Variants in GAS1 observed in about 807,000 individuals in gnomAD.
The protein encoded by GAS1 is growth arrest-specific protein 1.
GAS1 carries 10 observed loss-of-function variants against 21.6 expected under a neutral mutation model. The ratio of observed to expected loss-of-function variants is 0.46; its 90% CI spans 0.29 to 0.79. GAS1 has a LOEUF of 0.79. GAS1 is among the 30% of genes least tolerant of loss of function. The pLI is 0.10. For missense variants in GAS1, 567 were observed against 544.3 expected (o/e 1.04, Z -0.42); for synonymous variants, 332 against 264.0 (o/e 1.26, Z -2.50).
In GAS1 at chr9:86,946,871, TC is replaced by T; in HGVS notation, c.-93del. ...GAGCCGGTGGAAAAGTTTGTCCAAG[TC>T]CTGCCCACTTCTTGCATGAGTGTCT... is the stretch of plus-strand genomic sequence containing the variant. On this transcript the variant is annotated 5_prime_UTR_variant, in exon 1 of 1. Transcript: ENST00000298743. The surrounding 1 kb of genome is among the most constrained non-coding windows in gnomAD (Gnocchi z 5.2). The T allele has an allele frequency of 2.6e-6, 1 of 388,670 alleles. No individual in the cohort carries two copies. Among genetic ancestry groups the T allele is most frequent in the Non-Finnish European group, 4.7e-6 (1 of 214,022 alleles). 24.1% of individuals were successfully genotyped at this position (388,670 alleles called of 1,614,324 possible).
In GAS1 at chr9:86,946,294, C is replaced by CCCGCCCGCGCCGGGG. The variant is rs907485406; in HGVS notation, c.471_485dup (p.Pro158_Gly162dup). On this transcript the variant is annotated inframe_insertion, in exon 1 of 1. Transcript: ENST00000298743. This position sits in a 1 kb window ranked among gnomAD's most constrained non-coding sequence, Gnocchi z 5.2. ...GCCGGGCCTCGGTGCAGCCCATGACCCCGCCCGCGCCGGGGCCGCCCGCGC... is the reference window on the plus strand; with the variant it reads ...GCCGGGCCTCGGTGCAGCCCATGACCCCGCCCGCGCCGGGGCCGCCCGCGCCGGGGCCGCCCGCGC... 96 of 1,443,672 alleles carry CCCGCCCGCGCCGGGG rather than the reference C, an allele frequency of 6.6e-5. No homozygotes were observed. Among genetic ancestry groups the CCCGCCCGCGCCGGGG allele is most frequent in the East Asian group, 2.7e-4 (9 of 33,022 alleles). 89.4% of individuals were successfully genotyped at this position (1,443,672 alleles called of 1,614,324 possible).
Position 86,946,750 on chromosome 9 carries a change from G to C in GAS1, c.30C>G (p.Gly10=), listed in dbSNP as rs1825504159. The change falls in exon 1 of 1, where the codon GGC becomes GGG. Residue 10 remains glycine, a synonymous_variant. Transcript: ENST00000298743. This position sits in a 1 kb window ranked among gnomAD's most constrained non-coding sequence, Gnocchi z 5.2. MVAALLGGG[G]EARGGTVPGA... ...CCGGCACTGTCCCCCCGCGGGCCTC[G>C]CCGCCGCCGCCCAGCAGCGCGGCCA... is the stretch of plus-strand genomic sequence containing the variant. The C allele has an allele frequency of 3.4e-6, 4 of 1,180,960 alleles. No homozygotes were observed. Among genetic ancestry groups the C allele is most frequent in the South Asian group, 2.2e-5 (1 of 45,168 alleles). 73.2% of individuals were successfully genotyped at this position (1,180,960 alleles called of 1,614,324 possible).
chr9:86,946,842 C>A lies in GAS1; in HGVS notation c.-63G>T. On this transcript the variant is annotated 5_prime_UTR_variant, in exon 1 of 1. Coordinates refer to ENST00000298743, the MANE Select transcript of GAS1 (RefSeq NM_002048.3). This position sits in a 1 kb window ranked among gnomAD's most constrained non-coding sequence, Gnocchi z 5.2. ...GAGACGAGGCGCGGGGAGCGGCGGA[C>A]GCGGAGCCGGTGGAAAAGTTTGTCC... 4.3e-6 allele frequency: 2 copies of A among 468,528 alleles called. No individual in the cohort carries two copies. The highest frequency in any genetic ancestry group is 4.7e-5 in the South Asian group (1 of 21,212). The allele number at this position is 468,528 out of a possible 1,614,324, so 29.0% of individuals were successfully genotyped here.
rs2118602532 is a variant in GAS1, at chr9:86,944,382, A to C, written c.*1360T>G. The C allele has an allele frequency of 6.6e-6, 1 of 152,266 alleles. No homozygotes were observed. The highest frequency in any genetic ancestry group is 2.4e-5 in the African/African-American group (1 of 41,538). The allele number at this position is 152,266 out of a possible 1,614,324, so 9.4% of individuals were successfully genotyped here. A position where few individuals can be genotyped will look rare whatever the true frequency, so the allele number is the denominator to read the frequency against. ...CCATATTCATTGTTTAAAACTCTTT[A>C]CTGATGTACATGTTTTAATAAAACA... On this transcript the variant is annotated 3_prime_UTR_variant, in exon 1 of 1. Transcript: ENST00000298743.
In GAS1 at chr9:86,945,396, G is replaced by C. The variant is rs546456015; in HGVS notation, c.*346C>G. ...CCCACTGGTCAGCACCTTCCCTTTCGAGTCCAGGACTACTGTTCTGTCCCC... is the reference window on the plus strand; with the variant it reads ...CCCACTGGTCAGCACCTTCCCTTTCCAGTCCAGGACTACTGTTCTGTCCCC... On this transcript the variant is annotated 3_prime_UTR_variant, in exon 1 of 1. Transcript: ENST00000298743. 1 of 205,112 alleles carries C rather than the reference G, an allele frequency of 4.9e-6. No individual in the cohort carries two copies. Among genetic ancestry groups the C allele is most frequent in the East Asian group, 1.1e-4 (1 of 9,142 alleles). 12.7% of individuals were successfully genotyped at this position (205,112 alleles called of 1,614,324 possible).
chr9:86,945,748 G>C lies in GAS1; in HGVS notation c.1032C>G (p.Leu344=). The change falls in exon 1 of 1, where the codon CTC becomes CTG. Residue 344 remains leucine (L), a synonymous_variant. Coordinates refer to ENST00000298743, the MANE Select transcript of GAS1 (RefSeq NM_002048.3). ...ACGGCGGGGGGCGCGAGGGCTAAAA[G>C]AGCGGCCCAAGCAGCAGCAGCAAGA... ...ASILLLLLGP[L]F The C allele has an allele frequency of 2.0e-6, 3 of 1,528,542 alleles. No individual in the cohort carries two copies. The highest frequency in any genetic ancestry group is 2.6e-6 in the Non-Finnish European group (3 of 1,137,932). 94.7% of individuals were successfully genotyped at this position (1,528,542 alleles called of 1,614,324 possible).
chr9:86,946,274 G>A lies in GAS1; in HGVS notation c.506C>T (p.Ala169Val). 1 of 1,541,646 alleles carries A rather than the reference G, an allele frequency of 6.5e-7. No homozygotes were observed. Among genetic ancestry groups the A allele is most frequent in the Non-Finnish European group, 8.7e-7 (1 of 1,150,356 alleles). The change falls in exon 1 of 1, where the codon GCC (alanine) becomes GTC (valine). Residue 169 changes from alanine (A) to valine (V), a missense_variant. Ala to Val is a moderately conservative substitution (Grantham distance 64). Coordinates refer to ENST00000298743, the MANE Select transcript of GAS1 (RefSeq NM_002048.3). This position sits in a 1 kb window ranked among gnomAD's most constrained non-coding sequence, Gnocchi z 5.2. ...GAGGVMGCTE[A>V]RRRCDRDSRC... ...GCTGTCGCGGTCGCAGCGCCGCCGG[G>A]CCTCGGTGCAGCCCATGACCCCGCC...
In GAS1 at chr9:86,946,993, T is replaced by G; in HGVS notation, c.-214A>C. ...GTGGCTTCCTGGAAATGAACAGCTG[T>G]CGAGATCTGGTCCCGCTCTCCCACC... On this transcript the variant is annotated 5_prime_UTR_variant, in exon 1 of 1. Transcript: ENST00000298743. The surrounding 1 kb of genome is among the most constrained non-coding windows in gnomAD (Gnocchi z 5.2). 6 of 307,794 alleles carry G rather than the reference T, an allele frequency of 1.9e-5. No homozygotes were observed. The highest frequency in any genetic ancestry group is 1.9e-5 in the Non-Finnish European group (3 of 160,408). The allele number at this position is 307,794 out of a possible 1,614,324, so 19.1% of individuals were successfully genotyped here. A position where few individuals can be genotyped will look rare whatever the true frequency, so the allele number is the denominator to read the frequency against.
At position 86,946,141 on chromosome 9, in the gene GAS1, C is replaced by T. The variant is rs1487738496; in HGVS notation, c.639G>A (p.Met213Ile). The change falls in exon 1 of 1, where the codon ATG becomes ATA. Residue 213 changes from methionine to isoleucine, a missense_variant. By Grantham distance (10) the Met-to-Ile change is conservative. Transcript: ENST00000298743. This position sits in a 1 kb window ranked among gnomAD's most constrained non-coding sequence, Gnocchi z 5.2. ...CRTVIEDMLA[M>I]PKAALLNDCV... is the part of the protein sequence containing the mutation. ...AGTCGTTGAGCAGCGCCGCCTTGGG[C>T]ATAGCCAGCATGTCCTCAATGACGG... is the stretch of plus-strand genomic sequence containing the variant. 1.2e-6 allele frequency: 2 copies of T among 1,609,058 alleles called. No homozygotes were observed. The highest frequency in any genetic ancestry group is 1.7e-6 in the Non-Finnish European group (2 of 1,179,662).
chr9:86,946,316 G>A lies in GAS1; in HGVS notation c.464C>T (p.Ala155Val), dbSNP rs1588171716. The A allele has an allele frequency of 4.3e-6, 6 of 1,405,840 alleles. No individual in the cohort carries two copies. The African/African-American group carries it at 7.5e-5, about 18-fold the overall frequency. 87.1% of individuals were successfully genotyped at this position (1,405,840 alleles called of 1,614,324 possible). A position where few individuals can be genotyped will look rare whatever the true frequency, so the allele number is the denominator to read the frequency against. The change falls in exon 1 of 1, where the codon GCG (alanine) becomes GTG (valine). Residue 155 changes from alanine to valine, a missense_variant. Transcript: ENST00000298743. The surrounding 1 kb of genome is among the most constrained non-coding windows in gnomAD (Gnocchi z 5.2). Reference sequence around the variant, plus strand: ...GACCCCGCCCGCGCCGGGGCCGCCCGCGCCGCCGCCGCTCGTCCGGGGCAG... The same window carrying A: ...GACCCCGCCCGCGCCGGGGCCGCCCACGCCGCCGCCGCTCGTCCGGGGCAG... ...PCLPRTSGGG[A>V]GGPGAGGVMG... is the part of the protein sequence containing the mutation.
In GAS1 at chr9:86,947,505, C is replaced by G. The variant is rs1487002578; in HGVS notation, c.-726G>C. On this transcript the variant is annotated 5_prime_UTR_variant, in exon 1 of 1. Coordinates refer to ENST00000298743, the MANE Select transcript of GAS1 (RefSeq NM_002048.3). ...CGGGGAGCGGATCCGCTGAGCCCGG[C>G]TGCAGACTCGTTAGCAGCGAGGCTT... Among the ~76,000 whole-genome samples, 1 of 152,186 alleles carries G rather than the reference C, an allele frequency of 6.6e-6. No individual in the cohort carries two copies. Among genetic ancestry groups the G allele is most frequent in the Non-Finnish European group, 1.5e-5 (1 of 68,034 alleles).
Position 86,947,091 on chromosome 9 carries a change from G to A in GAS1, c.-312C>T, listed in dbSNP as rs1488477851. Reference sequence around the variant, plus strand: ...TCGCCCCGGGGGGGTGCGGGCCGCGGGGCCGTGGCGGGGCTGCAGGACCGC... The same window carrying A: ...TCGCCCCGGGGGGGTGCGGGCCGCGAGGCCGTGGCGGGGCTGCAGGACCGC... On this transcript the variant is annotated 5_prime_UTR_variant, in exon 1 of 1. Coordinates refer to ENST00000298743, the MANE Select transcript of GAS1 (RefSeq NM_002048.3). 2.8e-5 allele frequency: 6 copies of A among 214,114 alleles called. No individual in the cohort carries two copies. The highest frequency in any genetic ancestry group is 1.6e-3 in the Middle Eastern group (1 of 622). The allele number at this position is 214,114 out of a possible 1,614,324, so 13.3% of individuals were successfully genotyped here.
chr9:86,945,578 G>T lies in GAS1; in HGVS notation c.*164C>A. On this transcript the variant is annotated 3_prime_UTR_variant, in exon 1 of 1. Transcript: ENST00000298743. ...CTTCAGGGGAAGTGCCCAGAGTCGT[G>T]GCCGGGGAACCGGCTACACCAAGTT... 1 of 599,688 alleles carries T rather than the reference G, an allele frequency of 1.7e-6. No individual in the cohort carries two copies. The highest frequency in any genetic ancestry group is 2.5e-6 in the Non-Finnish European group (1 of 393,338). 37.1% of individuals were successfully genotyped at this position (599,688 alleles called of 1,614,324 possible). A position where few individuals can be genotyped will look rare whatever the true frequency, so the allele number is the denominator to read the frequency against.
Position 86,945,558 on chromosome 9 carries a change from G to C in GAS1, c.*184C>G, listed in dbSNP as rs1055182356. On this transcript the variant is annotated 3_prime_UTR_variant, in exon 1 of 1. Transcript: ENST00000298743. Reference sequence around the variant, plus strand: ...AGTCAAGCTCCGGAGAGGAGCTTCAGGGGAAGTGCCCAGAGTCGTGGCCGG... The same window carrying C: ...AGTCAAGCTCCGGAGAGGAGCTTCACGGGAAGTGCCCAGAGTCGTGGCCGG... The C allele has an allele frequency of 6.7e-5, 32 of 479,584 alleles. No individual in the cohort carries two copies. In the Admixed American group the frequency reaches 9.6e-4, roughly 14 times the overall value. The allele number at this position is 479,584 out of a possible 1,614,324, so 29.7% of individuals were successfully genotyped here. A position where few individuals can be genotyped will look rare whatever the true frequency, so the allele number is the denominator to read the frequency against.
At position 86,947,376 on chromosome 9, in the gene GAS1, G is replaced by C. The variant is rs1825520099; in HGVS notation, c.-597C>G. 6.6e-6 allele frequency among the ~76,000 whole-genome samples: 1 copy of C among 151,842 alleles called. No homozygotes were observed. Among genetic ancestry groups the C allele is most frequent in the Admixed American group, 6.6e-5 (1 of 15,266 alleles). On this transcript the variant is annotated 5_prime_UTR_variant, in exon 1 of 1. Transcript: ENST00000298743. The stretch of plus-strand genomic sequence containing the variant: ...GCAACCCCGGCCTCCGCAGAGCTCC[G>C]GGGAGCTCTTTCCGGGAAGCGCGGG...
Position 86,946,338 on chromosome 9 carries a change from G to A in GAS1, c.442C>T (p.Pro148Ser). The A allele has an allele frequency of 1.4e-6, 2 of 1,448,228 alleles. No individual in the cohort carries two copies. Among genetic ancestry groups the A allele is most frequent in the Non-Finnish European group, 1.8e-6 (2 of 1,101,702 alleles). 89.7% of individuals were successfully genotyped at this position (1,448,228 alleles called of 1,614,324 possible). Residue 148 changes from proline (P) to serine (S), a missense_variant, in exon 1 of 1, where the codon CCC (proline) becomes TCC (serine). Transcript: ENST00000298743. The surrounding 1 kb of genome is among the most constrained non-coding windows in gnomAD (Gnocchi z 5.2). ...STKRAIEPCL[P>S]RTSGGGAGGP... ...CCCGCGCCGCCGCCGCTCGTCCGGG[G>A]CAGGCACGGCTCAATGGCGCGCTTG...
In GAS1 at chr9:86,946,331, G is replaced by C. The variant is rs1365080461; in HGVS notation, c.449C>G (p.Thr150Arg). The C allele has an allele frequency of 6.3e-6, 9 of 1,425,308 alleles. No homozygotes were observed. The Admixed American group carries it at 1.1e-4, about 17-fold the overall frequency. The allele number at this position is 1,425,308 out of a possible 1,614,324, so 88.3% of individuals were successfully genotyped here. Reference sequence around the variant, plus strand: ...GGGGCCGCCCGCGCCGCCGCCGCTCGTCCGGGGCAGGCACGGCTCAATGGC... The same window carrying C: ...GGGGCCGCCCGCGCCGCCGCCGCTCCTCCGGGGCAGGCACGGCTCAATGGC... ...KRAIEPCLPR[T>R]SGGGAGGPGA... The change falls in exon 1 of 1, where the codon ACG becomes AGG. Residue 150 changes from threonine (T) to arginine (R), a missense_variant. By Grantham distance (71) the Thr-to-Arg change is moderately conservative. Transcript: ENST00000298743. This position sits in a 1 kb window ranked among gnomAD's most constrained non-coding sequence, Gnocchi z 5.2.
chr9:86,944,445 A>C lies in GAS1; in HGVS notation c.*1297T>G, dbSNP rs1250768197. On this transcript the variant is annotated 3_prime_UTR_variant, in exon 1 of 1. Coordinates refer to ENST00000298743, the MANE Select transcript of GAS1 (RefSeq NM_002048.3). ...AAATACACAAATCCATAGTTATTTAAAAACTTAGGATTTTTAAAAAACATG... is the reference window on the plus strand; with the variant it reads ...AAATACACAAATCCATAGTTATTTACAAACTTAGGATTTTTAAAAAACATG... 6.6e-6 allele frequency: 1 copy of C among 152,238 alleles called. No individual in the cohort carries two copies. Among genetic ancestry groups the C allele is most frequent in the African/African-American group, 2.4e-5 (1 of 41,460 alleles). The allele number at this position is 152,238 out of a possible 1,614,324, so 9.4% of individuals were successfully genotyped here.
Position 86,945,914 on chromosome 9 carries a change from C to CCGT in GAS1, c.863_865dup (p.Asp288dup). 2 of 1,561,082 alleles carry CCGT rather than the reference C, an allele frequency of 1.3e-6. No homozygotes were observed. The highest frequency in any genetic ancestry group is 1.7e-6 in the Non-Finnish European group (2 of 1,156,568). On this transcript the variant is annotated inframe_insertion, in exon 1 of 1. Coordinates refer to ENST00000298743, the MANE Select transcript of GAS1 (RefSeq NM_002048.3). ...GCCCGGGCGCGGTGGGTGCGGGACGCCGTCGTCGTCGTCCAGCGGCTGCTC... is the reference window on the plus strand; with the variant it reads ...GCCCGGGCGCGGTGGGTGCGGGACGCCGTCGTCGTCGTCGTCCAGCGGCTGCTC...
Sources: allele counts gnomAD v4.1 joint callset (sites outside exome capture counted in the v4.1 genomes callset), GRCh38; gene constraint gnomAD v4.1.1; non-coding constraint Gnocchi (gnomAD v3.1); transcripts MANE v1.5; gene names NCBI Gene and HGNC (gene_info 2026-07-23, HGNC 2026-07-21).